The following CERS6 variants were observed in gnomAD, a reference collection of about 807,000 sequenced individuals.
CERS6 encodes the protein LAG1 homolog, ceramide synthase 6.
A neutral mutation model predicts 56.8 loss-of-function variants in CERS6; 26 were observed. That is an observed-to-expected ratio of 0.46 (90% CI 0.34 to 0.63). The LOEUF (loss-of-function observed/expected upper bound fraction) is 0.63, where lower values mean the gene tolerates loss of function less well. CERS6 is among the 30% of genes least tolerant of loss of function. The probability of loss-of-function intolerance (pLI) is 0.01; values close to 1 mark genes in which losing one functional copy is unlikely to be tolerated. For synonymous variants in CERS6, 164 were observed against 173.3 expected, an observed-to-expected ratio of 0.95 and a Z score of 0.42; for missense variants, 415 against 467.5, an observed-to-expected ratio of 0.89 and a Z score of 1.04.
intron 3 of CERS6, among the ~76,000 whole-genome samples, chr2:168,586,065 C>T (rs113693517): frequency 0.13 from 19,778 of 152,018 alleles, 2,437 homozygotes; most frequent in African/African-American, 0.33. Context: ...CTCACTGCAG[C>T]CTTGACCTCC....
intron 8 of CERS6, among the ~76,000 whole-genome samples, chr2:168,752,730 A>G (rs1684310855): frequency 6.6e-6 from 1 of 152,236 alleles, no homozygotes; most frequent in Non-Finnish European, 1.5e-5. Flanking sequence ...CACACCGTTC[A>G]GTGTGCTCAG....
At chr2:168,565,445 A>G (rs1695868163) in intron 3 of CERS6, among the ~76,000 whole-genome samples, 3 of 152,232 alleles carry the variant, frequency 2.0e-5, no homozygotes. Flanking sequence ...AAATACTAAA[A>G]GGTGAAATTA....
chr2:168,599,800 C>A (rs578053895), intron 3 of CERS6, among the ~76,000 whole-genome samples: 1 of 152,242 alleles, frequency 6.6e-6, no homozygotes, highest in Admixed American at 6.5e-5. Context: ...ATTTAAATGT[C>A]ACAAATATTT....
intron 1 of CERS6, among the ~76,000 whole-genome samples, chr2:168,473,673 T>TA (rs1354983363): frequency 2.0e-5 from 3 of 152,146 alleles, no homozygotes; most frequent in African/African-American, 7.2e-5. Context: ...ACAGTTATTT[T>TA]AAAAATTACT....
chr2:168,660,333 T>A (rs1685597777), intron 4 of CERS6, among the ~76,000 whole-genome samples: 1 of 152,232 alleles, frequency 6.6e-6, no homozygotes, highest in Non-Finnish European at 1.5e-5. Flanking sequence ...TCACCTTGTT[T>A]ACCATGCCAT....
At chr2:168,601,829 C>T (rs1407489206) in intron 3 of CERS6, among the ~76,000 whole-genome samples, 1 of 152,164 alleles carries the variant, frequency 6.6e-6, no homozygotes, top group African/African-American at 2.4e-5. Flanking sequence ...AGATTACAGG[C>T]ATGAGCCACC....
intron 3 of CERS6, among the ~76,000 whole-genome samples, chr2:168,619,818 A>G (rs1574105246): frequency 1.3e-5 from 2 of 151,878 alleles, no homozygotes; most frequent in African/African-American, 2.4e-5. Flanking sequence ...TGATCCAGCA[A>G]TCCCATTACT....
intron 8 of CERS6, among the ~76,000 whole-genome samples, chr2:168,761,054 G>T (rs762590935): frequency 5.3e-5 from 8 of 152,182 alleles, no homozygotes; most frequent in Non-Finnish European, 1.2e-4. Context: ...ACCGCGCCCG[G>T]CCGGGTTTAC....
intron 1 of CERS6, among the ~76,000 whole-genome samples, chr2:168,458,316 G>T (rs1693713255): frequency 6.6e-6 from 1 of 152,182 alleles, no homozygotes; most frequent in African/African-American, 2.4e-5. Context: ...CATGATCTGT[G>T]CACAAACAGC....
rs73969241 is a variant in CERS6 at position 168,535,928 on chromosome 2, G to A, written c.171-11668G>A. On this transcript the variant is annotated intron_variant, in intron 1 of 9. Coordinates refer to ENST00000305747, the MANE Select transcript of CERS6 (RefSeq NM_203463.3). ...AATATCTTGTTGTATGTTTATTGAT[G>A]TTTCCATTTGTTCTTTTGAAAATTG... is the stretch of plus-strand genomic sequence containing the variant. Among the ~76,000 whole-genome samples, 910 of 151,556 alleles carry A rather than the reference G, an allele frequency of 6.0e-3. 10 individuals are homozygous for A. The highest frequency in any genetic ancestry group is 0.021 in the African/African-American group (855 of 41,316).
chr2:168,486,522 TTG>T (rs1694278244), intron 1 of CERS6, among the ~76,000 whole-genome samples: 7 of 148,616 alleles, frequency 4.7e-5, no homozygotes, highest in East Asian at 2.0e-4. Flanking sequence ...AGATTTGGTT[TTG>T]TTTTTTTTTT....
At chr2:168,724,936 C>T (rs62174439) in intron 8 of CERS6, among the ~76,000 whole-genome samples, 4,400 of 152,256 alleles carry the variant, frequency 0.029, 89 homozygotes, top group East Asian at 0.068. Context: ...GACTGGGCGC[C>T]GTGGAGCAGG....
chr2:168,531,845 A>T (rs1695174418), intron 1 of CERS6, among the ~76,000 whole-genome samples: 1 of 151,238 alleles, frequency 6.6e-6, no homozygotes, highest in African/African-American at 2.4e-5. Context: ...AAGGTCAGTG[A>T]CCACCACAGA....
intron 2 of CERS6, among the ~76,000 whole-genome samples, chr2:168,555,480 T>G (rs1176604910): frequency 6.6e-6 from 1 of 151,992 alleles, no homozygotes; most frequent in Non-Finnish European, 1.5e-5. Context: ...AACGATAAGC[T>G]AAAATCAATG....
chr2:168,675,310 CATAGTGACTCA>C (rs1686029901), intron 4 of CERS6, among the ~76,000 whole-genome samples: 1 of 151,958 alleles, frequency 6.6e-6, no homozygotes, highest in African/African-American at 2.4e-5. Context: ...ATAGGCCGGG[CATAGTGACTCA>C]TGCCTGTAAT....
At chr2:168,479,538 G>C (rs1303808934) in intron 1 of CERS6, among the ~76,000 whole-genome samples, 1 of 152,202 alleles carries the variant, frequency 6.6e-6, no homozygotes, top group Non-Finnish European at 1.5e-5. Flanking sequence ...CATGCTTATG[G>C]TATGGCAGGC....
chr2:168,571,177 C>G (rs1039004994), intron 3 of CERS6, among the ~76,000 whole-genome samples: 3 of 152,092 alleles, frequency 2.0e-5, no homozygotes, highest in African/African-American at 7.2e-5. Flanking sequence ...CTCTCTTGCT[C>G]TCCTTCTCTT....
At chr2:168,674,681 G>A (rs1319942529) in intron 4 of CERS6, among the ~76,000 whole-genome samples, 1 of 152,192 alleles carries the variant, frequency 6.6e-6, no homozygotes, top group Non-Finnish European at 1.5e-5. Context: ...AAGGGACAGA[G>A]AAGTTCATTT....
intron 1 of CERS6, among the ~76,000 whole-genome samples, chr2:168,477,328 G>A (rs1400696269): frequency 6.6e-6 from 1 of 152,092 alleles, no homozygotes; most frequent in Non-Finnish European, 1.5e-5. Context: ...CAACATGCAA[G>A]TTTGGGGGGA....
Sources: allele counts gnomAD v4.1 joint callset (sites outside exome capture counted in the v4.1 genomes callset), GRCh38; gene constraint gnomAD v4.1.1; transcripts MANE v1.5; gene names NCBI Gene and HGNC (gene_info 2026-07-23, HGNC 2026-07-21).